TBCA: variants seen among roughly 807,000 people sequenced by gnomAD.
The protein encoded by TBCA is tubulin folding cofactor A, also known as tubulin-specific chaperone A.
A neutral mutation model predicts 15.8 loss-of-function variants in TBCA; 6 were observed. The ratio of observed to expected loss-of-function variants is 0.38; its 90% CI spans 0.21 to 0.75. The LOEUF is 0.75. Ranked by LOEUF, TBCA falls within the 30% of genes least tolerant of loss-of-function variation. TBCA has a pLI of 0.46. For synonymous variants in TBCA, 32 were observed against 42.3 expected, an observed-to-expected ratio of 0.76 and a Z score of 0.94; for missense variants, 90 against 131.2, an observed-to-expected ratio of 0.69 and a Z score of 1.53.
At chr5:77,770,333 G>A (rs1170562043) in intron 1 of TBCA, among the ~76,000 whole-genome samples, 1 of 152,190 alleles carries the variant, frequency 6.6e-6, no homozygotes, top group Non-Finnish European at 1.5e-5. Flanking sequence ...TTTACACCAT[G>A]CACTTAAGTT....
intron 1 of TBCA, among the ~76,000 whole-genome samples, chr5:77,756,127 C>T (rs1335875037): frequency 1.3e-5 from 2 of 152,100 alleles, no homozygotes; most frequent in East Asian, 1.9e-4. Flanking sequence ...GGAACCAGAC[C>T]GCAGCCTAGG....
intron 2 of TBCA, among the ~76,000 whole-genome samples, chr5:77,697,942 C>T (rs981535841): frequency 3.4e-5 from 5 of 149,158 alleles, no homozygotes; most frequent in Non-Finnish European, 7.5e-5. Flanking sequence ...CCAGCCTGGG[C>T]AACAGGCAAG....
At chr5:77,729,511 C>T (rs542955309) in intron 1 of TBCA, among the ~76,000 whole-genome samples, 3 of 152,114 alleles carry the variant, frequency 2.0e-5, no homozygotes, top group Non-Finnish European at 2.9e-5. Context: ...TTGGTCTTTC[C>T]TAGAGCATAA....
chr5:77,719,985 T>C (rs1351066824), intron 1 of TBCA, among the ~76,000 whole-genome samples: 1 of 152,156 alleles, frequency 6.6e-6, no homozygotes, highest in Non-Finnish European at 1.5e-5. Context: ...ATCACAAATC[T>C]GTCTGTACAT....
intron 2 of TBCA, among the ~76,000 whole-genome samples, chr5:77,698,180 A>C (rs978438475): frequency 1.2e-4 from 19 of 152,092 alleles, no homozygotes; most frequent in African/African-American, 3.4e-4. Context: ...AAAAAAAAAA[A>C]AACACACTGA....
intron 1 of TBCA, among the ~76,000 whole-genome samples, chr5:77,769,975 T>C (rs193204906): frequency 3.9e-4 from 60 of 152,356 alleles, no homozygotes; most frequent in African/African-American, 1.4e-3. Context: ...TAAAAAGATA[T>C]ATTTAAGAAA....
At chr5:77,743,303 A>G (rs1012878366) in intron 1 of TBCA, among the ~76,000 whole-genome samples, 1 of 152,230 alleles carries the variant, frequency 6.6e-6, no homozygotes, top group African/African-American at 2.4e-5. Flanking sequence ...GTGCCCTTTG[A>G]AAGTCACTTA....
At chr5:77,771,342 A>G (rs1747909575) in intron 1 of TBCA, among the ~76,000 whole-genome samples, 1 of 152,176 alleles carries the variant, frequency 6.6e-6, no homozygotes, top group Admixed American at 6.5e-5. Flanking sequence ...TCAGAGTCAG[A>G]GGCTTAGCAC....
intron 1 of TBCA, 169 bp from the exon 2 acceptor site, chr5:77,708,516 C>G: frequency 2.0e-6 from 1 of 489,036 alleles, no homozygotes; most frequent in Non-Finnish European, 3.7e-6. Flanking sequence ...TAAGCATGAT[C>G]CTCATGCTCT....
intron 2 of TBCA, among the ~76,000 whole-genome samples, chr5:77,707,134 G>C (rs1163353003): frequency 6.6e-6 from 1 of 151,884 alleles, no homozygotes; most frequent in Non-Finnish European, 1.5e-5. Context: ...AGGGAAAAAA[G>C]AGTAATAACA....
chr5:77,758,257 A>G (rs461743), intron 1 of TBCA, among the ~76,000 whole-genome samples: 94,009 of 151,900 alleles, frequency 0.62, 29,136 homozygotes, highest in African/African-American at 0.64. Context: ...GCGGCCTGGC[A>G]CCAGGCCCAA....
chr5:77,769,607 T>C (rs1747860593), intron 1 of TBCA, among the ~76,000 whole-genome samples: 1 of 151,982 alleles, frequency 6.6e-6, no homozygotes, highest in Non-Finnish European at 1.5e-5. Flanking sequence ...CAGTTGTATA[T>C]AGGATGTAGA....
chr5:77,702,038 G>C (rs114813552), intron 2 of TBCA, among the ~76,000 whole-genome samples: 91 of 152,086 alleles, frequency 6.0e-4, no homozygotes, highest in African/African-American at 2.1e-3. Flanking sequence ...GACTCAGAGG[G>C]AAAGGGTGGG....
At chr5:77,716,562 G>A (rs1746403108) in intron 1 of TBCA, among the ~76,000 whole-genome samples, 1 of 152,148 alleles carries the variant, frequency 6.6e-6, no homozygotes, top group Admixed American at 6.5e-5. Context: ...TATCATTTAA[G>A]TCCTCAAAAC....
intron 1 of TBCA, chr5:77,708,654 C>T: frequency 6.1e-6 from 1 of 163,168 alleles, no homozygotes; most frequent in Non-Finnish European, 1.3e-5. Context: ...ACTGCAAGCT[C>T]TGCCTCCCGG....
At chr5:77,701,585 A>G (rs1746015100) in intron 2 of TBCA, among the ~76,000 whole-genome samples, 1 of 151,136 alleles carries the variant, frequency 6.6e-6, no homozygotes, top group Non-Finnish European at 1.5e-5. Flanking sequence ...TATGAAAAAG[A>G]TACTTGCACA....
At chr5:77,761,768 T>G (rs1374101506) in intron 1 of TBCA, among the ~76,000 whole-genome samples, 1 of 152,048 alleles carries the variant, frequency 6.6e-6, no homozygotes, top group Non-Finnish European at 1.5e-5. Context: ...GATCCAGCCG[T>G]CCAACAGATG....
chr5:77,732,428 G>A (rs1301774187), intron 1 of TBCA, among the ~76,000 whole-genome samples: 1 of 151,784 alleles, frequency 6.6e-6, no homozygotes, highest in Non-Finnish European at 1.5e-5. Flanking sequence ...ACGGGCGCCT[G>A]TAGGCCCAGC....
At chr5:77,745,839 T>G (rs1461227889) in intron 1 of TBCA, among the ~76,000 whole-genome samples, 1 of 152,224 alleles carries the variant, frequency 6.6e-6, no homozygotes, top group Non-Finnish European at 1.5e-5. Context: ...TCATTTCACA[T>G]GTTCACTCAC....
Sources: allele counts gnomAD v4.1 joint callset (sites outside exome capture counted in the v4.1 genomes callset), GRCh38; gene constraint gnomAD v4.1.1; transcripts MANE v1.5; gene names NCBI Gene and HGNC (gene_info 2026-07-23, HGNC 2026-07-21).